Variants in TMEM120B observed in about 807,000 individuals in gnomAD.
The protein encoded by TMEM120B is transmembrane protein 120B.
A neutral mutation model predicts 55.5 loss-of-function variants in TMEM120B; 31 were observed. The ratio of observed to expected loss-of-function variants is 0.56; its 90% CI spans 0.42 to 0.75. The LOEUF (loss-of-function observed/expected upper bound fraction) is 0.75. Among genes scored for constraint, TMEM120B ranks in the 30% least tolerant of loss-of-function variants. The pLI, the probability that TMEM120B is intolerant of heterozygous loss-of-function variation, is 0.00. For synonymous variants in TMEM120B, 203 were observed against 176.3 expected, an observed-to-expected ratio of 1.15 and a Z score of -1.20; for missense variants, 399 against 425.5, an observed-to-expected ratio of 0.94 and a Z score of 0.55.
chr12:121,757,641 C>T (rs1299111683), intron 5 of TMEM120B, among the ~76,000 whole-genome samples: 43 of 152,224 alleles, frequency 2.8e-4, no homozygotes, highest in Admixed American at 9.2e-4. Flanking sequence ...CTCAGCCTCC[C>T]GAGTAGCTGG....
At chr12:121,753,399 T>C (rs985743464) in intron 5 of TMEM120B, among the ~76,000 whole-genome samples, 2 of 151,964 alleles carry the variant, frequency 1.3e-5, no homozygotes, top group African/African-American at 4.8e-5. Context: ...GGTCAAACCC[T>C]GTCTCTACTG....
At chr12:121,766,373 G>GCCCA (rs2137330761) in intron 6 of TMEM120B, among the ~76,000 whole-genome samples, 1 of 152,300 alleles carries the variant, frequency 6.6e-6, no homozygotes, top group African/African-American at 2.4e-5. Context: ...GGTCTTATGG[G>GCCCA]CCCATGTAAC....
chr12:121,776,726 A>C lies in TMEM120B; in HGVS notation c.*1004A>C, dbSNP rs1874260380. On this transcript the variant is annotated 3_prime_UTR_variant, in exon 12 of 12. Coordinates refer to ENST00000449592, the MANE Select transcript of TMEM120B (RefSeq NM_001080825.2). The stretch of plus-strand genomic sequence containing the variant: ...CCTAACTGTGGCCCTACAAATCCCT[A>C]GGCCAGACCTCACAGCAGTGCCCAC... The C allele has an allele frequency of 6.6e-6, 1 of 152,162 alleles. No individual in the cohort carries two copies. Among genetic ancestry groups the C allele is most frequent in the South Asian group, 2.1e-4 (1 of 4,834 alleles). 9.4% of individuals were successfully genotyped at this position (152,162 alleles called of 1,614,324 possible).
chr12:121,773,364 G>A, intron 8 of TMEM120B, 57 bp from the exon 9 acceptor site: 1 of 1,498,202 alleles, frequency 6.7e-7, no homozygotes, highest in Non-Finnish European at 9.1e-7. Flanking sequence ...AGAGAGGTGT[G>A]GCCCTGTCTT....
At chr12:121,770,417 TG>T (rs1332716531) in intron 6 of TMEM120B, among the ~76,000 whole-genome samples, 3 of 152,088 alleles carry the variant, frequency 2.0e-5, no homozygotes, top group African/African-American at 4.8e-5. Flanking sequence ...TCTAAGGTGC[TG>T]GGGGGCTCAG....
At chr12:121,726,590 T>TA (rs397937136) in intron 1 of TMEM120B, among the ~76,000 whole-genome samples, 16 of 141,240 alleles carry the variant, frequency 1.1e-4, no homozygotes, top group African/African-American at 2.6e-4. Context: ...AAAAAAAAAA[T>TA]AAAATAAAAT....
At chr12:121,741,923 A>C (rs1269692156) in intron 1 of TMEM120B, among the ~76,000 whole-genome samples, 3 of 151,922 alleles carry the variant, frequency 2.0e-5, no homozygotes, top group Non-Finnish European at 4.4e-5. Context: ...AAGGTGACTC[A>C]CTCACAGCAT....
In TMEM120B at chr12:121,775,108, A is replaced by G. The variant is rs766787932; in HGVS notation, c.884A>G (p.His295Arg). 8.2e-6 allele frequency: 11 copies of G among 1,346,946 alleles called. No individual in the cohort carries two copies. In the East Asian group the frequency reaches 5.3e-4, roughly 65 times the overall value. 83.4% of individuals were successfully genotyped at this position (1,346,946 alleles called of 1,614,324 possible). ...GTCACGCTGTTTGAGCTCTCCAGCC[A>G]CGAGGAATGCAGAGAATGGCAGGTA... ...NAVTLFELSSHEECREWQVFV... is the reference protein window; with the variant it reads ...NAVTLFELSSREECREWQVFV... The change falls in exon 11 of 12, where the codon CAC (histidine) becomes CGC (arginine). Residue 295 changes from histidine to arginine, a missense_variant. By Grantham distance (29) the His-to-Arg change is conservative. This residue lies in a region of TMEM120B where 260 missense variants were observed against 303.9 expected (regional missense o/e 0.86). Coordinates refer to ENST00000449592, the MANE Select transcript of TMEM120B (RefSeq NM_001080825.2). This position sits in a 1 kb window ranked among gnomAD's most constrained non-coding sequence, Gnocchi z 4.3.
Position 121,761,662 on chromosome 12 carries a change from G to C in TMEM120B, c.475G>C (p.Val159Leu), listed in dbSNP as rs1210721823. The change falls in exon 6 of 12, where the codon GTC becomes CTC. Residue 159 changes from valine to leucine, a missense_variant. This residue lies in a region of TMEM120B where 260 missense variants were observed against 303.9 expected (regional missense o/e 0.86). Coordinates refer to ENST00000449592, the MANE Select transcript of TMEM120B (RefSeq NM_001080825.2). Reference protein sequence around the residue: ...FVLHYRVTDEVFNFLLVWYYC... With the variant: ...FVLHYRVTDELFNFLLVWYYC... ...TTCCTTGCACAGGGTGACTGACGAA[G>C]TCTTCAACTTCCTGCTGGTGTGGTA... 2 of 1,613,902 alleles carry C rather than the reference G, an allele frequency of 1.2e-6. No individual in the cohort carries two copies. The highest frequency in any genetic ancestry group is 1.7e-6 in the Non-Finnish European group (2 of 1,179,886).
intron 6 of TMEM120B, among the ~76,000 whole-genome samples, chr12:121,770,180 T>C (rs1288727441): frequency 2.0e-5 from 3 of 152,146 alleles, no homozygotes; most frequent in African/African-American, 7.2e-5. Flanking sequence ...AAGTCTAGAA[T>C]GGAGGTACTG....
In TMEM120B at chr12:121,748,459, T is replaced by TC; in HGVS notation, c.305+21dup. On this transcript the variant is annotated intron_variant, in intron 3 of 11. Coordinates refer to ENST00000449592, the MANE Select transcript of TMEM120B (RefSeq NM_001080825.2). Reference sequence around the variant, plus strand: ...GAAGAACGGGTAGGAGCTGGCAACCTCCCCACCCCTAGCACAGGCCCATGC... The same window carrying TC: ...GAAGAACGGGTAGGAGCTGGCAACCTCCCCCACCCCTAGCACAGGCCCATGC... 6.4e-7 allele frequency: 1 copy of TC among 1,561,906 alleles called. No individual in the cohort carries two copies. The highest frequency in any genetic ancestry group is 1.4e-5 in the African/African-American group (1 of 74,072).
intron 1 of TMEM120B, among the ~76,000 whole-genome samples, chr12:121,726,977 C>T (rs1424643279): frequency 6.7e-6 from 1 of 149,446 alleles, no homozygotes; most frequent in African/African-American, 2.5e-5. Flanking sequence ...GTAATCCCAG[C>T]ACTTTGGGAG....
At chr12:121,735,043 G>A (rs1895079728) in intron 1 of TMEM120B, among the ~76,000 whole-genome samples, 1 of 151,942 alleles carries the variant, frequency 6.6e-6, no homozygotes, top group Non-Finnish European at 1.5e-5. Flanking sequence ...AAAATTAGCT[G>A]GGTGTGGTGG....
chr12:121,769,175 C>A (rs1386809900), intron 6 of TMEM120B, among the ~76,000 whole-genome samples: 2 of 149,558 alleles, frequency 1.3e-5, no homozygotes, highest in African/African-American at 4.9e-5. Context: ...AAAAAAAAAC[C>A]CCAAAAAACC....
chr12:121,753,582 A>C (rs946585597), intron 5 of TMEM120B, among the ~76,000 whole-genome samples: 1 of 125,162 alleles, frequency 8.0e-6, no homozygotes, highest in African/African-American at 4.0e-5. Flanking sequence ...AAAACAAACA[A>C]AAAAAAAAAG....
At chr12:121,723,281 C>T (rs1200410215) in intron 1 of TMEM120B, among the ~76,000 whole-genome samples, 1 of 152,156 alleles carries the variant, frequency 6.6e-6, no homozygotes, top group African/African-American at 2.4e-5. Context: ...TATCTTCCCA[C>T]CTCAGCCTCC....
Position 121,779,648 on chromosome 12 carries a change from G to C in TMEM120B, c.*3926G>C, listed in dbSNP as rs371428063. ...GGTAGAGAGCAGCTCGGATCTGTTC[G>C]CAGGCGCTCAGGCCCTGGGTGGGGG... is the stretch of plus-strand genomic sequence containing the variant. On this transcript the variant is annotated 3_prime_UTR_variant, in exon 12 of 12. Transcript: ENST00000449592. The C allele has an allele frequency of 1.9e-6, 3 of 1,613,974 alleles. No homozygotes were observed. Among genetic ancestry groups the C allele is most frequent in the Non-Finnish European group, 2.5e-6 (3 of 1,179,910 alleles).
At chr12:121,748,957 G>A (rs764252523) in intron 3 of TMEM120B, among the ~76,000 whole-genome samples, 7 of 152,142 alleles carry the variant, frequency 4.6e-5, no homozygotes, top group Admixed American at 6.5e-5. Context: ...AGAAGTCCCC[G>A]TTCCCTCCCT....
At chr12:121,734,029 G>T (rs1440975235) in intron 1 of TMEM120B, among the ~76,000 whole-genome samples, 1 of 152,166 alleles carries the variant, frequency 6.6e-6, no homozygotes, top group Non-Finnish European at 1.5e-5. Context: ...TAGTTTCTTT[G>T]TCACATGACA....
Sources: allele counts gnomAD v4.1 joint callset (sites outside exome capture counted in the v4.1 genomes callset), GRCh38; gene constraint gnomAD v4.1.1; regional missense constraint gnomAD v4.1.1; non-coding constraint Gnocchi (gnomAD v3.1); transcripts MANE v1.5; gene names NCBI Gene and HGNC (gene_info 2026-07-23, HGNC 2026-07-21).